KLHDC10: variants seen among roughly 807,000 people sequenced by gnomAD.
KLHDC10 encodes kelch domain-containing protein 10.
KLHDC10 carries 24 observed loss-of-function variants against 56.1 expected under a neutral mutation model. The ratio of observed to expected loss-of-function variants is 0.43; its 90% confidence interval spans 0.31 to 0.60. The LOEUF (loss-of-function observed/expected upper bound fraction) is 0.60, where lower values mean the gene tolerates loss of function less well. Ranked by LOEUF, KLHDC10 falls within the 20% of genes least tolerant of loss-of-function variation. The pLI, the probability that KLHDC10 is intolerant of heterozygous loss-of-function variation, is 0.11. For synonymous variants in KLHDC10, 188 were observed against 207.1 expected (o/e 0.91, Z 0.79); for missense variants, 349 against 567.0 (o/e 0.62, Z 3.91).
intron 1 of KLHDC10, among the ~76,000 whole-genome samples, chr7:130,093,006 C>CTTT (rs35856642): frequency 1.4e-5 from 2 of 142,622 alleles, no homozygotes; most frequent in African/African-American, 5.1e-5. Flanking sequence ...TTAATTATGT[C>CTTT]TTTTTTTTTT....
At position 130,130,422 on chromosome 7, in the gene KLHDC10, A is replaced by AGGAATTCT. The variant is rs1401859885; in HGVS notation, c.1120-114_1120-107dup. 1.3e-6 allele frequency: 1 copy of AGGAATTCT among 775,386 alleles called. No homozygotes were observed. The highest frequency in any genetic ancestry group is 2.1e-5 in the Admixed American group (1 of 48,676). 48.0% of individuals were successfully genotyped at this position (775,386 alleles called of 1,614,324 possible). On this transcript the variant is annotated intron_variant, in intron 9 of 9. Coordinates refer to ENST00000335420, the MANE Select transcript of KLHDC10 (RefSeq NM_014997.4). The surrounding 1 kb of genome is among the most constrained non-coding windows in gnomAD (Gnocchi z 4.2). ...TCTCCACATGGTATTGGGATCAGTGAGGAATTCTTGTTTCATTTCATTTTG... is the reference window on the plus strand; with the variant it reads ...TCTCCACATGGTATTGGGATCAGTGAGGAATTCTGGAATTCTTGTTTCATTTCATTTTG...
intron 1 of KLHDC10, among the ~76,000 whole-genome samples, chr7:130,083,919 AACTCTTTCCCTTCT>A (rs1795645814): frequency 6.6e-6 from 1 of 151,754 alleles, no homozygotes; most frequent in African/African-American, 2.4e-5. Flanking sequence ...CGTCTTTGTC[AACTCTTTCCCTTCT>A]ACCAGGACTT....
intron 1 of KLHDC10, among the ~76,000 whole-genome samples, chr7:130,072,913 G>A (rs1205552900): frequency 1.3e-5 from 2 of 151,866 alleles, no homozygotes; most frequent in Non-Finnish European, 2.9e-5. Flanking sequence ...CCACCACCAC[G>A]CCAGGCTAGT....
At position 130,103,418 on chromosome 7, in the gene KLHDC10, C is replaced by CAAAA. The variant is rs57094210; in HGVS notation, c.253+6426_253+6429dup. On this transcript the variant is annotated intron_variant, in intron 2 of 9. Coordinates refer to ENST00000335420, the MANE Select transcript of KLHDC10 (RefSeq NM_014997.4). ...CCAGCCTGGGTTACAGAGCAAGACTCAAAAAAAAAAAAAAAAAATCTGAGT... is the reference window on the plus strand; with the variant it reads ...CCAGCCTGGGTTACAGAGCAAGACTCAAAAAAAAAAAAAAAAAAAAAATCTGAGT... 4.3e-5 allele frequency among the ~76,000 whole-genome samples: 4 copies of CAAAA among 92,728 alleles called. No homozygotes were observed. In the East Asian group the frequency reaches 8.5e-4, roughly 20 times the overall value. The allele number at this position is 92,728 out of a possible 152,430, so 60.8% of individuals were successfully genotyped here.
At chr7:130,102,752 G>T (rs1248451267) in intron 2 of KLHDC10, among the ~76,000 whole-genome samples, 1 of 152,086 alleles carries the variant, frequency 6.6e-6, no homozygotes, top group Non-Finnish European at 1.5e-5. Flanking sequence ...CTTGGACCTG[G>T]GAGGCAAAGG....
At chr7:130,126,693 A>T (rs1796320496) in intron 7 of KLHDC10, among the ~76,000 whole-genome samples, 2 of 150,102 alleles carry the variant, frequency 1.3e-5, no homozygotes, top group Admixed American at 1.3e-4. Flanking sequence ...AATAAATAAA[A>T]AACAAAAACA....
intron 1 of KLHDC10, among the ~76,000 whole-genome samples, chr7:130,075,175 G>A (rs574025745): frequency 6.6e-6 from 1 of 152,272 alleles, no homozygotes; most frequent in East Asian, 1.9e-4. Context: ...TCAGGAGCGC[G>A]GGGTTCATGG....
chr7:130,114,687 G>A (rs1361102918), intron 2 of KLHDC10, among the ~76,000 whole-genome samples: 1 of 152,104 alleles, frequency 6.6e-6, no homozygotes, highest in East Asian at 1.9e-4. Context: ...TATTTACATA[G>A]TTAAGGTGTG....
At chr7:130,077,555 CT>C (rs1374918216) in intron 1 of KLHDC10, among the ~76,000 whole-genome samples, 12,018 of 107,834 alleles carry the variant, frequency 0.11, 1,101 homozygotes, top group African/African-American at 0.3. Flanking sequence ...CTTTTTCTTT[CT>C]TTTTTTTTTT....
intron 1 of KLHDC10, among the ~76,000 whole-genome samples, chr7:130,080,261 C>G (rs1182098588): frequency 6.6e-6 from 1 of 152,032 alleles, no homozygotes; most frequent in Non-Finnish European, 1.5e-5. Flanking sequence ...TTTTTCTATG[C>G]ATTTTTTCCC....
chr7:130,082,402 T>A (rs1456062768), intron 1 of KLHDC10, among the ~76,000 whole-genome samples: 1 of 152,220 alleles, frequency 6.6e-6, no homozygotes, highest in Non-Finnish European at 1.5e-5. Flanking sequence ...TATCAACATT[T>A]TGATATTTTA....
intron 5 of KLHDC10, among the ~76,000 whole-genome samples, chr7:130,122,580 C>T (rs1796262491): frequency 6.6e-6 from 1 of 152,128 alleles, no homozygotes. Flanking sequence ...GAAAGGGTCT[C>T]ACTCTGTCAC....
rs145809223 is a variant in KLHDC10 at position 130,135,420 on chromosome 7, G to C, written c.*4674G>C. On this transcript the variant is annotated 3_prime_UTR_variant, in exon 10 of 10. Transcript: ENST00000335420. ...CTGAGACACAGTCTCTGAGAGGTGA[G>C]CCTAGCTTTGCTCTTCCTACAGGGT... The C allele has an allele frequency of 3.3e-3, 502 of 154,448 alleles. 3 individuals are homozygous for C. The highest frequency in any genetic ancestry group is 0.011 in the African/African-American group (471 of 41,626). 9.6% of individuals were successfully genotyped at this position (154,448 alleles called of 1,614,324 possible).
intron 1 of KLHDC10, among the ~76,000 whole-genome samples, chr7:130,089,950 T>C (rs142703848): frequency 6.6e-6 from 1 of 151,906 alleles, no homozygotes; most frequent in East Asian, 1.9e-4. Flanking sequence ...GGCGCGATCT[T>C]GGCTCACCGC....
intron 2 of KLHDC10, among the ~76,000 whole-genome samples, chr7:130,106,462 A>G (rs1183296063): frequency 6.6e-6 from 1 of 152,250 alleles, no homozygotes; most frequent in Non-Finnish European, 1.5e-5. Context: ...AATAAAAAAT[A>G]CATAAGATTG....
chr7:130,098,590 A>G (rs4731651), intron 2 of KLHDC10, among the ~76,000 whole-genome samples: 18,471 of 152,112 alleles, frequency 0.12, 1,316 homozygotes, highest in East Asian at 0.31. Context: ...TCTTTTTTCT[A>G]TTTATAAGTT....
chr7:130,128,889 A>AAATATATAT, intron 8 of KLHDC10, among the ~76,000 whole-genome samples: 22 of 66,952 alleles, frequency 3.3e-4, no homozygotes, highest in South Asian at 1.1e-3. Context: ...AAAAAAAAAA[A>AAATATATAT]ATATATATAT....
In KLHDC10 at chr7:130,116,735, T is replaced by G; in HGVS notation, c.475+69T>G. ...GAGAAGCCAGGTTCAATGTCCCATA[T>G]TCCTCATTAATAATTTATAACACTA... On this transcript the variant is annotated intron_variant, in intron 3 of 9. Coordinates refer to ENST00000335420, the MANE Select transcript of KLHDC10 (RefSeq NM_014997.4). This position sits in a 1 kb window ranked among gnomAD's most constrained non-coding sequence, Gnocchi z 4.8. 2.4e-6 allele frequency: 3 copies of G among 1,226,550 alleles called. No homozygotes were observed. In the South Asian group the frequency reaches 3.6e-5, roughly 15 times the overall value. The allele number at this position is 1,226,550 out of a possible 1,614,324, so 76.0% of individuals were successfully genotyped here.
At chr7:130,127,346 A>G in intron 7 of KLHDC10, 58 bp from the exon 8 acceptor site, 2 of 1,348,152 alleles carry the variant, frequency 1.5e-6, no homozygotes, top group Non-Finnish European at 2.1e-6. Context: ...GTGTTATATC[A>G]GTGTGGTTCC....
Sources: allele counts gnomAD v4.1 joint callset (sites outside exome capture counted in the v4.1 genomes callset), GRCh38; gene constraint gnomAD v4.1.1; non-coding constraint Gnocchi (gnomAD v3.1); transcripts MANE v1.5; gene names NCBI Gene and HGNC (gene_info 2026-07-23, HGNC 2026-07-21).